Variants in ADAMTS19 observed in about 807,000 individuals in gnomAD.
ADAMTS19 encodes ADAM metallopeptidase with thrombospondin type 1 motif 19.
In ADAMTS19, 93 loss-of-function variants were observed where a neutral mutation model predicts 153.3. The ratio of observed to expected loss-of-function variants is 0.61; its 90% CI spans 0.51 to 0.72. The LOEUF (loss-of-function observed/expected upper bound fraction) is 0.72, where lower values mean the gene tolerates loss of function less well. Ranked by LOEUF, ADAMTS19 falls within the 30% of genes least tolerant of loss-of-function variation. ADAMTS19 has a pLI of 0.00. For synonymous variants in ADAMTS19, 600 were observed against 556.6 expected, an observed-to-expected ratio of 1.08 and a Z score of -1.10; for missense variants, 1,482 against 1,552.1, an observed-to-expected ratio of 0.95 and a Z score of 0.76.
chr5:129,525,831 C>A (rs1751987034), intron 3 of ADAMTS19, among the ~76,000 whole-genome samples: 1 of 151,988 alleles, frequency 6.6e-6, no homozygotes, highest in Non-Finnish European at 1.5e-5. Flanking sequence ...ATCAGGAGCA[C>A]CTGCCTGAAA....
chr5:129,670,897 A>G (rs1403393336), intron 16 of ADAMTS19, among the ~76,000 whole-genome samples: 2 of 152,150 alleles, frequency 1.3e-5, no homozygotes, highest in East Asian at 1.9e-4. Flanking sequence ...CTCAGTTTAA[A>G]AGTTGAATCA....
intron 2 of ADAMTS19, among the ~76,000 whole-genome samples, chr5:129,494,553 A>G (rs1581005841): frequency 6.6e-6 from 1 of 152,186 alleles, no homozygotes; most frequent in African/African-American, 2.4e-5. Context: ...ACTTCAAAAC[A>G]TATAACTCTA....
At chr5:129,501,884 A>T (rs539533581) in intron 2 of ADAMTS19, among the ~76,000 whole-genome samples, 1 of 152,260 alleles carries the variant, frequency 6.6e-6, no homozygotes, top group Admixed American at 6.5e-5. Flanking sequence ...AGCTTGGGTA[A>T]CTAAAAAAAG....
At chr5:129,668,313 C>A (rs1295836143) in intron 16 of ADAMTS19, among the ~76,000 whole-genome samples, 1 of 152,078 alleles carries the variant, frequency 6.6e-6, no homozygotes, top group Admixed American at 6.6e-5. Context: ...TTTAATGTGC[C>A]ACAGAAGGTA....
chr5:129,549,538 A>C (rs1350780161), intron 6 of ADAMTS19, among the ~76,000 whole-genome samples: 1 of 151,790 alleles, frequency 6.6e-6, no homozygotes, highest in East Asian at 1.9e-4. Context: ...TACTTAATAA[A>C]CAATAAACTT....
intron 8 of ADAMTS19, among the ~76,000 whole-genome samples, chr5:129,608,257 C>T (rs1751025373): frequency 6.6e-6 from 1 of 151,162 alleles, no homozygotes; most frequent in East Asian, 2.0e-4. Flanking sequence ...ACAAATATTG[C>T]ATGATCTTAT....
intron 10 of ADAMTS19, among the ~76,000 whole-genome samples, chr5:129,638,541 C>A (rs1752630284): frequency 6.7e-6 from 1 of 149,264 alleles, no homozygotes; most frequent in African/African-American, 2.5e-5. Context: ...TCTTTGTTTC[C>A]TATTTTAGTA....
At chr5:129,701,071 T>TG (rs931800318) in intron 19 of ADAMTS19, among the ~76,000 whole-genome samples, 1 of 151,666 alleles carries the variant, frequency 6.6e-6, no homozygotes, top group African/African-American at 2.4e-5. Flanking sequence ...AATTGAATCA[T>TG]GGGGGTGGGT....
At chr5:129,479,811 T>G (rs1456761224) in intron 2 of ADAMTS19, among the ~76,000 whole-genome samples, 4 of 152,082 alleles carry the variant, frequency 2.6e-5, no homozygotes, top group Non-Finnish European at 1.5e-5. Context: ...TGACAGAGAT[T>G]AAGGAATATC....
chr5:129,539,741 AG>A (rs1752593467), intron 6 of ADAMTS19, among the ~76,000 whole-genome samples: 1 of 152,112 alleles, frequency 6.6e-6, no homozygotes, highest in Non-Finnish European at 1.5e-5. Context: ...GTGCTGTAAT[AG>A]TATTTATTTA....
At chr5:129,545,552 C>G (rs1752825109) in intron 6 of ADAMTS19, among the ~76,000 whole-genome samples, 1 of 151,840 alleles carries the variant, frequency 6.6e-6, no homozygotes, top group African/African-American at 2.4e-5. Context: ...GAAAATATAC[C>G]AAGTACCAAA....
chr5:129,696,572 C>T (rs1755565630), intron 19 of ADAMTS19, among the ~76,000 whole-genome samples: 1 of 152,158 alleles, frequency 6.6e-6, no homozygotes. Flanking sequence ...GATCATGACC[C>T]ATGACATGGT....
chr5:129,579,916 C>T (rs901597211), intron 7 of ADAMTS19, among the ~76,000 whole-genome samples: 9 of 152,054 alleles, frequency 5.9e-5, no homozygotes, highest in African/African-American at 1.2e-4. Flanking sequence ...CTTGACTATA[C>T]GGGCTCTTTT....
chr5:129,525,520 T>C (rs1281113137), intron 3 of ADAMTS19, among the ~76,000 whole-genome samples: 1 of 152,094 alleles, frequency 6.6e-6, no homozygotes, highest in Non-Finnish European at 1.5e-5. Context: ...TAGCTCTTTA[T>C]TTCTTTATTC....
intron 8 of ADAMTS19, among the ~76,000 whole-genome samples, chr5:129,615,310 A>G (rs902006498): frequency 6.6e-6 from 1 of 152,118 alleles, no homozygotes; most frequent in Admixed American, 6.6e-5. Flanking sequence ...AACTATGAAA[A>G]TCAGATTGAT....
At chr5:129,623,846 C>T (rs1390723080) in intron 10 of ADAMTS19, among the ~76,000 whole-genome samples, 3 of 147,134 alleles carry the variant, frequency 2.0e-5, no homozygotes, top group South Asian at 4.3e-4. Context: ...ATGGACCAGG[C>T]GAGGTGGCTC....
intron 2 of ADAMTS19, among the ~76,000 whole-genome samples, chr5:129,482,220 T>C (rs769309014): frequency 1.3e-5 from 2 of 152,168 alleles, no homozygotes; most frequent in Non-Finnish European, 2.9e-5. Context: ...CTCCCCCTTT[T>C]CTTTCAGTGT....
chr5:129,658,295 G>GAAAGAAAGAAAGAA (rs1183479385), intron 14 of ADAMTS19, among the ~76,000 whole-genome samples: 3 of 102,118 alleles, frequency 2.9e-5, no homozygotes, highest in African/African-American at 1.4e-4. Flanking sequence ...GAAAGAAAAA[G>GAAAGAAAGAAAGAA]AAAGAAAGAA....
intron 3 of ADAMTS19, among the ~76,000 whole-genome samples, chr5:129,519,401 G>A (rs1296122044): frequency 6.6e-6 from 1 of 152,080 alleles, no homozygotes; most frequent in African/African-American, 2.4e-5. Flanking sequence ...GCACAAGGAA[G>A]GAGTCTCTTT....
Sources: allele counts gnomAD v4.1 joint callset (sites outside exome capture counted in the v4.1 genomes callset), GRCh38; gene constraint gnomAD v4.1.1; transcripts MANE v1.5; gene names NCBI Gene and HGNC (gene_info 2026-07-23, HGNC 2026-07-21).